TYR: variants seen among roughly 807,000 people sequenced by gnomAD.
TYR encodes LB24-AB.
TYR carries 58 observed loss-of-function variants against 51.5 expected under a neutral mutation model. The ratio of observed to expected loss-of-function variants is 1.13; its 90% CI spans 0.91 to 1.40. The LOEUF is 1.40. Ranked by LOEUF, TYR falls within the 40% of genes most tolerant of loss-of-function variation. The probability of loss-of-function intolerance (pLI) is 0.00; values close to 1 mark genes in which losing one functional copy is unlikely to be tolerated. For missense variants in TYR, 732 were observed against 647.4 expected (o/e 1.13, Z -1.42); for synonymous variants, 263 against 235.2 (o/e 1.12, Z -1.08).
At chr11:89,181,750 G>A (rs765899112) in intron 1 of TYR, among the ~76,000 whole-genome samples, 1 of 151,894 alleles carries the variant, frequency 6.6e-6, no homozygotes, top group Middle Eastern at 3.2e-3. Context: ...GCCTAAAATG[G>A]TAGGATGATT....
chr11:89,213,292 A>C (rs937032190), intron 2 of TYR, among the ~76,000 whole-genome samples: 2 of 152,210 alleles, frequency 1.3e-5, no homozygotes, highest in Non-Finnish European at 2.9e-5. Flanking sequence ...ATATACCAAT[A>C]ATAGACAAAA....
chr11:89,274,406 A>G (rs1944626525), intron 3 of TYR, among the ~76,000 whole-genome samples: 1 of 151,846 alleles, frequency 6.6e-6, no homozygotes, highest in Non-Finnish European at 1.5e-5. Flanking sequence ...ACCAAATAGC[A>G]AATACTTAAA....
intron 2 of TYR, among the ~76,000 whole-genome samples, chr11:89,197,491 A>C (rs1035546657): frequency 1.3e-5 from 2 of 152,196 alleles, no homozygotes; most frequent in African/African-American, 4.8e-5. Flanking sequence ...TATCTTCAAA[A>C]GTATGTCTGA....
chr11:89,190,454 T>C (rs1176638715), intron 1 of TYR, among the ~76,000 whole-genome samples: 1 of 152,114 alleles, frequency 6.6e-6, no homozygotes, highest in African/African-American at 2.4e-5. Context: ...AAAAATTAAA[T>C]AGCATAAAGC....
chr11:89,211,285 C>T (rs989524476), intron 2 of TYR, among the ~76,000 whole-genome samples: 3 of 151,628 alleles, frequency 2.0e-5, no homozygotes, highest in African/African-American at 4.8e-5. Flanking sequence ...AAATGGAAAA[C>T]AAAACAAAAG....
chr11:89,241,854 T>A (rs1322054288), intron 3 of TYR, among the ~76,000 whole-genome samples: 1 of 148,788 alleles, frequency 6.7e-6, no homozygotes, highest in Non-Finnish European at 1.5e-5. Flanking sequence ...ATTAATATAA[T>A]AGTGAAATTG....
chr11:89,184,482 T>G (rs1943342529), intron 1 of TYR, among the ~76,000 whole-genome samples: 1 of 152,138 alleles, frequency 6.6e-6, no homozygotes, highest in South Asian at 2.1e-4. Context: ...ATAATTAATG[T>G]AGTGGGTATT....
At chr11:89,198,769 A>T (rs927747370) in intron 2 of TYR, among the ~76,000 whole-genome samples, 3 of 151,088 alleles carry the variant, frequency 2.0e-5, no homozygotes, top group Non-Finnish European at 2.9e-5. Flanking sequence ...ATATATATAT[A>T]TTTTTATACT....
intron 3 of TYR, among the ~76,000 whole-genome samples, chr11:89,256,467 ATGTGTG>A (rs5793398): frequency 4.0e-5 from 6 of 149,584 alleles, no homozygotes; most frequent in African/African-American, 1.5e-4. Context: ...ACTTGTGTAT[ATGTGTG>A]TGTGTGTGTG....
At chr11:89,192,778 T>C (rs1309453008) in intron 2 of TYR, among the ~76,000 whole-genome samples, 1 of 152,196 alleles carries the variant, frequency 6.6e-6, no homozygotes, top group South Asian at 2.1e-4. Flanking sequence ...ACACTTTGTA[T>C]GGCATTAATT....
chr11:89,223,620 T>C (rs1328088380), intron 2 of TYR, among the ~76,000 whole-genome samples: 3 of 152,144 alleles, frequency 2.0e-5, no homozygotes, highest in Non-Finnish European at 4.4e-5. Flanking sequence ...AGATTGAGAG[T>C]ATTTTATATT....
At chr11:89,221,756 CTTT>C (rs1214606829) in intron 2 of TYR, among the ~76,000 whole-genome samples, 1 of 152,162 alleles carries the variant, frequency 6.6e-6, no homozygotes, top group Non-Finnish European at 1.5e-5. Context: ...TTTCTATCTT[CTTT>C]TTATTTCCTC....
rs1944496760 is a variant in TYR, at chr11:89,264,196, C to CT, written c.1185-20572dup. On this transcript the variant is annotated intron_variant, in intron 3 of 4. Coordinates refer to ENST00000263321, the MANE Select transcript of TYR (RefSeq NM_000372.5). ...ATCCAGAGGTGGAAATGCAGAAACC[C>CT]TTTTTAAAAAAAAATTCCTACACTG... 4.0e-5 allele frequency among the ~76,000 whole-genome samples: 6 copies of CT among 151,670 alleles called. No individual in the cohort carries two copies. In the South Asian group the frequency reaches 8.4e-4, roughly 21 times the overall value.
At chr11:89,237,949 C>T (rs1018995903) in intron 3 of TYR, among the ~76,000 whole-genome samples, 1 of 151,992 alleles carries the variant, frequency 6.6e-6, no homozygotes, top group Non-Finnish European at 1.5e-5. Context: ...GAGTCTTGTG[C>T]CTCAGCCTCC....
intron 2 of TYR, among the ~76,000 whole-genome samples, chr11:89,218,806 C>A (rs967945191): frequency 6.6e-6 from 1 of 152,074 alleles, no homozygotes; most frequent in Non-Finnish European, 1.5e-5. Context: ...TGTTACAGAG[C>A]TAACAGGTAG....
chr11:89,273,905 C>T (rs1944620944), intron 3 of TYR, among the ~76,000 whole-genome samples: 1 of 151,868 alleles, frequency 6.6e-6, no homozygotes, highest in Admixed American at 6.6e-5. Flanking sequence ...GCTCAAATTT[C>T]CTCTTCTTCT....
In TYR at chr11:89,263,573, T is replaced by C. The variant is rs191888040; in HGVS notation, c.1185-21200T>C. Among the ~76,000 whole-genome samples, 653 of 152,164 alleles carry C rather than the reference T, an allele frequency of 4.3e-3. 2 individuals are homozygous for C. The highest frequency in any genetic ancestry group is 0.014 in the African/African-American group (564 of 41,560). ...CACACTGGAAAGGAAAAATTAAAAC[T>C]ATTTCTGCAGATAATAGTGTCTTAA... is the stretch of plus-strand genomic sequence containing the variant. On this transcript the variant is annotated intron_variant, in intron 3 of 4. Coordinates refer to ENST00000263321, the MANE Select transcript of TYR (RefSeq NM_000372.5).
chr11:89,289,668 G>C (rs1490637149), intron 4 of TYR, among the ~76,000 whole-genome samples: 1 of 152,006 alleles, frequency 6.6e-6, no homozygotes, highest in Non-Finnish European at 1.5e-5. Flanking sequence ...GTTGAAGAAA[G>C]ATAAAACAAG....
At chr11:89,209,869 A>G (rs928107078) in intron 2 of TYR, among the ~76,000 whole-genome samples, 2 of 152,232 alleles carry the variant, frequency 1.3e-5, no homozygotes, top group Admixed American at 1.3e-4. Flanking sequence ...CCTGCAGCTC[A>G]GGGGCCTGTC....
Sources: allele counts gnomAD v4.1 joint callset (sites outside exome capture counted in the v4.1 genomes callset), GRCh38; gene constraint gnomAD v4.1.1; transcripts MANE v1.5; gene names NCBI Gene and HGNC (gene_info 2026-07-23, HGNC 2026-07-21).